Variants in MAP2 observed in about 807,000 individuals in gnomAD.
MAP2 encodes the protein microtubule associated protein 2.
In MAP2, 14 loss-of-function variants were observed where a neutral mutation model predicts 137.6. That is an observed-to-expected ratio of 0.10 (90% CI 0.07 to 0.16). The LOEUF (loss-of-function observed/expected upper bound fraction) is 0.16, where lower values mean the gene tolerates loss of function less well. MAP2 is among the 10% of genes least tolerant of loss of function. The pLI is 1.00. For missense variants in MAP2, 2,088 were observed against 2,191.5 expected (o/e 0.95, Z 0.94); for synonymous variants, 786 against 782.3 (o/e 1.00, Z -0.08).
intron 2 of MAP2, among the ~76,000 whole-genome samples, chr2:209,563,870 A>G (rs980435620): frequency 1.1e-4 from 17 of 152,242 alleles, no homozygotes; most frequent in African/African-American, 4.1e-4. Context: ...CCAGTTCACA[A>G]ACATCAAGTG....
intron 1 of MAP2, among the ~76,000 whole-genome samples, chr2:209,477,478 G>A (rs542355210): frequency 6.6e-6 from 1 of 152,132 alleles, no homozygotes; most frequent in South Asian, 2.1e-4. Flanking sequence ...TGTGTGAAAG[G>A]TTCATGCTAT....
intron 2 of MAP2, among the ~76,000 whole-genome samples, chr2:209,540,192 GA>G (rs988504401): frequency 6.8e-6 from 1 of 146,056 alleles, no homozygotes; most frequent in African/African-American, 2.5e-5. Flanking sequence ...AGATAAAATA[GA>G]AATATATAGT....
At chr2:209,564,573 A>C (rs986493914) in intron 2 of MAP2, among the ~76,000 whole-genome samples, 1 of 151,036 alleles carries the variant, frequency 6.6e-6, no homozygotes, top group Non-Finnish European at 1.5e-5. Flanking sequence ...AAAAAAAAAA[A>C]AAAAAAAAAA....
intron 10 of MAP2, 83 bp downstream of exon 10, chr2:209,697,134 A>AT: frequency 7.3e-7 from 1 of 1,372,336 alleles, no homozygotes; most frequent in Non-Finnish European, 9.7e-7. Flanking sequence ...CAGCTTCTTC[A>AT]TTTTGTTTTT....
intron 4 of MAP2, among the ~76,000 whole-genome samples, chr2:209,650,150 G>A (rs1001902066): frequency 1.3e-5 from 2 of 152,144 alleles, no homozygotes; most frequent in African/African-American, 4.8e-5. Context: ...AGAGTTGTGG[G>A]TGCTTATATT....
Position 209,710,197 on chromosome 2 carries a change from T to C in MAP2, c.5016T>C (p.Asn1672=), listed in dbSNP as rs748242782. 3.9e-5 allele frequency: 62 copies of C among 1,610,284 alleles called. No homozygotes were observed. Among genetic ancestry groups the C allele is most frequent in the Non-Finnish European group, 5.2e-5 (61 of 1,177,836 alleles). ...LINQPLPDLK[N]VKSKIGSTDN... ...ACCAACCACTGCCAGACCTGAAGAA[T>C]GTCAAATCCAAAATCGGATCAACAG... Residue 1672 remains asparagine (N), a synonymous_variant, in exon 13 of 16, where the codon AAT becomes AAC. Coordinates refer to ENST00000682079, the MANE Select transcript of MAP2 (RefSeq NM_001375505.1).
At chr2:209,441,596 G>C (rs1697789088) in intron 1 of MAP2, among the ~76,000 whole-genome samples, 1 of 151,554 alleles carries the variant, frequency 6.6e-6, no homozygotes, top group Non-Finnish European at 1.5e-5. Context: ...GAAATAATGA[G>C]AGCCATTCCT....
chr2:209,551,118 G>A (rs1366446402), intron 2 of MAP2, among the ~76,000 whole-genome samples: 2 of 152,056 alleles, frequency 1.3e-5, no homozygotes, highest in East Asian at 1.9e-4. Flanking sequence ...AGAAAATATT[G>A]GATTGGGTAC....
intron 3 of MAP2, among the ~76,000 whole-genome samples, chr2:209,621,891 A>G (rs1447022400): frequency 6.6e-6 from 1 of 152,202 alleles, no homozygotes; most frequent in Non-Finnish European, 1.5e-5. Flanking sequence ...ATCTTATTTT[A>G]CGGAGTAACC....
intron 1 of MAP2, among the ~76,000 whole-genome samples, chr2:209,435,996 A>ATAATATATACAGTATATATTATATATAAT (rs1696014240): frequency 1.4e-5 from 1 of 70,286 alleles, no homozygotes; most frequent in African/African-American, 1.8e-4. Flanking sequence ...TATATTATAT[A>ATAATATATACAGTATATATTATATATAAT]CTATATATAC....
chr2:209,565,005 G>T (rs928825101), intron 2 of MAP2, among the ~76,000 whole-genome samples: 4 of 152,058 alleles, frequency 2.6e-5, no homozygotes, highest in Non-Finnish European at 4.4e-5. Flanking sequence ...GAACACCTCA[G>T]TTGTCTTGAC....
At chr2:209,546,384 A>C (rs908125155) in intron 2 of MAP2, among the ~76,000 whole-genome samples, 1 of 152,192 alleles carries the variant, frequency 6.6e-6, no homozygotes, top group Non-Finnish European at 1.5e-5. Flanking sequence ...AAATAAAATG[A>C]TTATGTAGTT....
intron 2 of MAP2, among the ~76,000 whole-genome samples, chr2:209,546,237 T>C (rs1166898755): frequency 6.6e-6 from 1 of 152,228 alleles, no homozygotes; most frequent in Non-Finnish European, 1.5e-5. Context: ...TGGATGTTTT[T>C]ATATATACAC....
chr2:209,475,026 A>C (rs1706833594), intron 1 of MAP2, among the ~76,000 whole-genome samples: 1 of 151,980 alleles, frequency 6.6e-6, no homozygotes, highest in African/African-American at 2.4e-5. Context: ...CCTACCTAAT[A>C]ATTTTCTATG....
At chr2:209,722,262 G>T (rs1032910436) in intron 13 of MAP2, among the ~76,000 whole-genome samples, 1 of 152,180 alleles carries the variant, frequency 6.6e-6, no homozygotes, top group African/African-American at 2.4e-5. Context: ...CTCCCCGTGG[G>T]TTGCTGATGA....
At chr2:209,707,853 C>A (rs1483791232) in intron 12 of MAP2, among the ~76,000 whole-genome samples, 2 of 151,956 alleles carry the variant, frequency 1.3e-5, no homozygotes, top group African/African-American at 2.4e-5. Context: ...GGAAATGACT[C>A]CTTAGAAGTT....
chr2:209,633,239 C>G (rs2093264535), intron 4 of MAP2, among the ~76,000 whole-genome samples: 1 of 152,154 alleles, frequency 6.6e-6, no homozygotes, highest in Admixed American at 6.6e-5. Context: ...CTTCCAAAAG[C>G]CTATGTCTGT....
intron 2 of MAP2, among the ~76,000 whole-genome samples, chr2:209,552,366 G>A (rs2069376033): frequency 6.6e-6 from 1 of 151,578 alleles, no homozygotes; most frequent in Non-Finnish European, 1.5e-5. Flanking sequence ...TAAACATTGG[G>A]GTTTACAGAC....
chr2:209,440,865 C>G (rs1422531701), intron 1 of MAP2, among the ~76,000 whole-genome samples: 1 of 151,516 alleles, frequency 6.6e-6, no homozygotes. Context: ...CCTTGCCCTC[C>G]TGAAGCCTGT....
Sources: gnomAD v4.1 joint callset for allele counts (sites outside exome capture counted in the v4.1 genomes callset) on GRCh38, gnomAD v4.1.1 for gene constraint, MANE v1.5 for transcripts, NCBI Gene and HGNC (gene_info 2026-07-23, HGNC 2026-07-21) for gene names.